The following PCDH15 variants were observed in gnomAD, a reference collection of about 807,000 sequenced individuals.
PCDH15 encodes the protein protocadherin related 15.
PCDH15 carries 129 observed loss-of-function variants against 178.5 expected under a neutral mutation model. The observed-to-expected ratio is 0.72, with a 90% CI of 0.63 to 0.84. PCDH15 has a LOEUF of 0.84. Among genes scored for constraint, PCDH15 ranks in the 40% least tolerant of loss-of-function variants. The pLI, the probability that PCDH15 is intolerant of heterozygous loss-of-function variation, is 0.00. For missense variants in PCDH15, 2,230 were observed against 2,099.9 expected, an observed-to-expected ratio of 1.06 and a Z score of -1.21; for synonymous variants, 800 against 732.0, an observed-to-expected ratio of 1.09 and a Z score of -1.50.
chr10:55,091,015 A>G (rs1842304544), intron 2 of PCDH15, among the ~76,000 whole-genome samples: 1 of 151,992 alleles, frequency 6.6e-6, no homozygotes, highest in Non-Finnish European at 1.5e-5. Flanking sequence ...GATACTGTTT[A>G]CTTTATGACG....
chr10:53,910,525 C>A (rs1271674053), intron 25 of PCDH15, among the ~76,000 whole-genome samples: 2 of 152,052 alleles, frequency 1.3e-5, no homozygotes, highest in African/African-American at 4.8e-5. Flanking sequence ...CATCAAAGAC[C>A]AAAGGTAGAT....
chr10:54,310,909 G>A (rs2060862372), intron 8 of PCDH15, among the ~76,000 whole-genome samples: 1 of 152,028 alleles, frequency 6.6e-6, no homozygotes, highest in African/African-American at 2.4e-5. Context: ...CCATAAAAAA[G>A]CAAGAGAGGA....
At chr10:55,336,732 C>T (rs546673486) in intron 2 of PCDH15, among the ~76,000 whole-genome samples, 1 of 152,050 alleles carries the variant, frequency 6.6e-6, no homozygotes, top group East Asian at 1.9e-4. Context: ...CAGACCCTTT[C>T]GCTCTCCAAA....
At chr10:55,064,227 G>A (rs1295780037) in intron 2 of PCDH15, among the ~76,000 whole-genome samples, 4 of 152,182 alleles carry the variant, frequency 2.6e-5, no homozygotes, top group Non-Finnish European at 5.9e-5. Context: ...AATTATCTAG[G>A]AGTTACTGCT....
intron 1 of PCDH15, among the ~76,000 whole-genome samples, chr10:54,703,109 C>T (rs1016904362): frequency 6.6e-6 from 1 of 152,050 alleles, no homozygotes; most frequent in African/African-American, 2.4e-5. Flanking sequence ...ACCACATCAA[C>T]ATAATTCACA....
chr10:55,032,587 A>G (rs1840639199), intron 2 of PCDH15, among the ~76,000 whole-genome samples: 1 of 152,230 alleles, frequency 6.6e-6, no homozygotes, highest in African/African-American at 2.4e-5. Context: ...AAGGAAAGCA[A>G]AATGTAAAAA....
intron 2 of PCDH15, among the ~76,000 whole-genome samples, chr10:55,602,829 G>A (rs991123980): frequency 2.0e-5 from 3 of 152,176 alleles, no homozygotes; most frequent in Admixed American, 1.3e-4. Flanking sequence ...AAAGCAGAGT[G>A]CCTCTCCACC....
intron 2 of PCDH15, among the ~76,000 whole-genome samples, chr10:55,478,319 A>G (rs1221111142): frequency 6.6e-6 from 1 of 151,690 alleles, no homozygotes; most frequent in African/African-American, 2.4e-5. Context: ...GACTAAATGG[A>G]CCCAACAGAT....
At chr10:53,939,753 T>G (rs2085889406) in intron 24 of PCDH15, among the ~76,000 whole-genome samples, 1 of 152,190 alleles carries the variant, frequency 6.6e-6, no homozygotes, top group African/African-American at 2.4e-5. Flanking sequence ...ACATATTTGT[T>G]GAATAAATAA....
chr10:54,193,977 TTGA>T (rs2049300991), intron 11 of PCDH15, among the ~76,000 whole-genome samples: 1 of 151,316 alleles, frequency 6.6e-6, no homozygotes, highest in Admixed American at 6.6e-5. Context: ...ACTGTATTGT[TTGA>T]CATGTACTGA....
chr10:54,147,997 T>A (rs2044155050), intron 14 of PCDH15, among the ~76,000 whole-genome samples: 1 of 151,956 alleles, frequency 6.6e-6, no homozygotes, highest in Admixed American at 6.6e-5. Context: ...AAAACTAAAT[T>A]ATGCAAAAGT....
intron 2 of PCDH15, among the ~76,000 whole-genome samples, chr10:55,340,041 T>A (rs534632856): frequency 6.6e-6 from 1 of 151,792 alleles, no homozygotes; most frequent in South Asian, 2.1e-4. Context: ...TAACTCTCAT[T>A]AATTGAATTG....
At chr10:54,936,290 A>T (rs1244836975) in intron 2 of PCDH15, among the ~76,000 whole-genome samples, 1 of 152,080 alleles carries the variant, frequency 6.6e-6, no homozygotes, top group South Asian at 2.1e-4. Flanking sequence ...TAGTTGATGA[A>T]CATTTGGCTT....
intron 1 of PCDH15, among the ~76,000 whole-genome samples, chr10:55,182,694 T>C (rs542487807): frequency 6.6e-6 from 1 of 152,068 alleles, no homozygotes; most frequent in African/African-American, 2.4e-5. Context: ...ATCATTAGCA[T>C]GATTACCGTT....
intron 1 of PCDH15, among the ~76,000 whole-genome samples, chr10:55,277,072 T>C (rs1842613838): frequency 6.6e-6 from 1 of 152,108 alleles, no homozygotes; most frequent in African/African-American, 2.4e-5. Flanking sequence ...AAAAGATATG[T>C]TGTAAAATCT....
At chr10:53,912,262 A>G (rs1282191138) in intron 25 of PCDH15, among the ~76,000 whole-genome samples, 1 of 152,126 alleles carries the variant, frequency 6.6e-6, no homozygotes, top group Non-Finnish European at 1.5e-5. Flanking sequence ...CATGCTAAAA[A>G]CTCTCAATAA....
chr10:54,032,863 T>C (rs566099379), intron 18 of PCDH15, among the ~76,000 whole-genome samples: 1 of 152,040 alleles, frequency 6.6e-6, no homozygotes, highest in Admixed American at 6.6e-5. Flanking sequence ...TCATGGTGGA[T>C]GGTGAAGGGG....
At chr10:54,876,666 C>T (rs1354961722) in intron 3 of PCDH15, among the ~76,000 whole-genome samples, 1 of 152,118 alleles carries the variant, frequency 6.6e-6, no homozygotes, top group African/African-American at 2.4e-5. Flanking sequence ...AGCAAGGGAA[C>T]TAGAATTAGA....
intron 8 of PCDH15, among the ~76,000 whole-genome samples, chr10:54,299,153 AAGAGAC>A (rs1212657579): frequency 6.6e-6 from 1 of 152,140 alleles, no homozygotes; most frequent in African/African-American, 2.4e-5. Flanking sequence ...GAAAGAGAGA[AAGAGAC>A]AGAAAGTCAG....
Sources: gnomAD v4.1 joint callset for allele counts (sites outside exome capture counted in the v4.1 genomes callset) on GRCh38, gnomAD v4.1.1 for gene constraint, MANE v1.5 for transcripts, NCBI Gene and HGNC (gene_info 2026-07-23, HGNC 2026-07-21) for gene names.